Variants in ZNF541 observed in about 807,000 individuals in gnomAD.
ZNF541 encodes zinc finger protein 541.
A neutral mutation model predicts 123.5 loss-of-function variants in ZNF541; 23 were observed. The observed-to-expected ratio is 0.19, with a 90% CI of 0.13 to 0.26. The LOEUF (loss-of-function observed/expected upper bound fraction) is 0.26, where lower values mean the gene tolerates loss of function less well. Ranked by LOEUF, ZNF541 falls within the 10% of genes least tolerant of loss-of-function variation. The pLI is 1.00. For synonymous variants in ZNF541, 751 were observed against 754.5 expected, an observed-to-expected ratio of 1.00 and a Z score of 0.08; for missense variants, 1,612 against 1,789.9, an observed-to-expected ratio of 0.90 and a Z score of 1.79.
chr19:47,555,503 A>G (rs961775819), intron 3 of ZNF541, 47 bp downstream of exon 3: 5 of 1,473,408 alleles, frequency 3.4e-6, no homozygotes, highest in African/African-American at 1.4e-5. Flanking sequence ...GGCCACAGAA[A>G]CTGTCGAACA....
In ZNF541 at chr19:47,555,636, G is replaced by C; in HGVS notation, c.221C>G (p.Thr74Ser). The C allele has an allele frequency of 1.3e-6, 2 of 1,551,694 alleles. No individual in the cohort carries two copies. Among genetic ancestry groups the C allele is most frequent in the Non-Finnish European group, 8.7e-7 (1 of 1,147,010 alleles). ...SSEVLEDNLDTLSLYSGKDSD... is the reference protein window; with the variant it reads ...SSEVLEDNLDSLSLYSGKDSD... ...GTCCTTCCCGGAGTACAGGGACAAGGTGTCTAAGTTGTCCTCCAGCACCTC... is the reference window on the plus strand; with the variant it reads ...GTCCTTCCCGGAGTACAGGGACAAGCTGTCTAAGTTGTCCTCCAGCACCTC... Residue 74 changes from threonine to serine, a missense_variant, in exon 3 of 17, where the codon ACC becomes AGC. This residue lies in a region of ZNF541 where 212 missense variants were observed against 289.6 expected (regional missense o/e 0.73). Transcript: ENST00000391901.
At chr19:47,531,060 T>C (rs531973916) in intron 12 of ZNF541, among the ~76,000 whole-genome samples, 1 of 152,168 alleles carries the variant, frequency 6.6e-6, no homozygotes, top group Non-Finnish European at 1.5e-5. Flanking sequence ...CCAATAAATA[T>C]GTACTGCCAC....
At chr19:47,567,945 C>T (rs530506132) in intron 2 of ZNF541, among the ~76,000 whole-genome samples, 1 of 152,310 alleles carries the variant, frequency 6.6e-6, no homozygotes, top group African/African-American at 2.4e-5. Flanking sequence ...GTGTAACAAT[C>T]CACTTAACAT....
rs555608771 is a variant in ZNF541 at position 47,549,596 on chromosome 19, C to T, written c.308-111G>A. On this transcript the variant is annotated intron_variant, in intron 3 of 16. Coordinates refer to ENST00000391901, the MANE Select transcript of ZNF541 (RefSeq NM_001277075.3). ...CCATGGTGGCCTTGTAAGTGTTGCG[C>T]GAGAACTCTTGCTCCACACAAAGTA... The T allele has an allele frequency of 2.4e-4, 354 of 1,449,424 alleles. 2 individuals are homozygous for T. The South Asian group carries it at 3.9e-3, about 16-fold the overall frequency. The allele number at this position is 1,449,424 out of a possible 1,614,324, so 89.8% of individuals were successfully genotyped here.
chr19:47,572,648 C>CT (rs1311862866), intron 1 of ZNF541, among the ~76,000 whole-genome samples: 2 of 151,242 alleles, frequency 1.3e-5, no homozygotes. Context: ...AAGGGGGATT[C>CT]TGAGCAGAAG....
In ZNF541 at chr19:47,544,361, C is replaced by A; in HGVS notation, c.2168G>T (p.Gly723Val). 3.2e-6 allele frequency: 5 copies of A among 1,551,678 alleles called. No homozygotes were observed. The highest frequency in any genetic ancestry group is 3.5e-6 in the Non-Finnish European group (4 of 1,147,014). Residue 723 changes from glycine to valine, a missense_variant, in exon 5 of 17, where the codon GGC (glycine) becomes GTC (valine). By Grantham distance (109) the Gly-to-Val change is moderately radical. Coordinates refer to ENST00000391901, the MANE Select transcript of ZNF541 (RefSeq NM_001277075.3). ...ACCTTTTGTGATCCTTGAAGCCGCG[C>A]CATTCTCGGCTGGGGCCTGCTTCCC... ...LPGKQAPAEN[G>V]AASRITKGEK...
intron 4 of ZNF541, 128 bp downstream of exon 4, chr19:47,549,117 T>C: frequency 8.4e-7 from 1 of 1,193,626 alleles, no homozygotes; most frequent in Non-Finnish European, 1.2e-6. Context: ...GCAGAGGTAA[T>C]ACACGTCTGG....
intron 4 of ZNF541, among the ~76,000 whole-genome samples, chr19:47,548,900 A>G (rs1970477412): frequency 6.6e-6 from 1 of 152,062 alleles, no homozygotes; most frequent in Non-Finnish European, 1.5e-5. Flanking sequence ...ACATGGTGAA[A>G]CCCTGTCTCT....
At position 47,544,863 on chromosome 19, in the gene ZNF541, G is replaced by T; in HGVS notation, c.1666C>A (p.Gln556Lys). Reference sequence around the variant, plus strand: ...GACTTGGTGATCATCTGGAACACCTGCATCTGCTCGTGGCTCACAAGAGGT... The same window carrying T: ...GACTTGGTGATCATCTGGAACACCTTCATCTGCTCGTGGCTCACAAGAGGT... ...QEPLVSHEQM[Q>K]VFQMITKSQR... Residue 556 changes from glutamine to lysine, a missense_variant, in exon 5 of 17, where the codon CAG (glutamine) becomes AAG (lysine). This residue lies in a region of ZNF541 where 1,080 missense variants were observed against 1,013.8 expected (regional missense o/e 1.07). Transcript: ENST00000391901. The T allele has an allele frequency of 6.5e-7, 1 of 1,536,186 alleles. No homozygotes were observed. Among genetic ancestry groups the T allele is most frequent in the Non-Finnish European group, 8.7e-7 (1 of 1,146,800 alleles).
chr19:47,523,339 T>TAAAAAA (rs75366644), intron 14 of ZNF541, among the ~76,000 whole-genome samples: 2 of 105,726 alleles, frequency 1.9e-5, no homozygotes, highest in African/African-American at 8.9e-5. Flanking sequence ...GCGTCTCTTT[T>TAAAAAA]AAAAAAAAAA....
At chr19:47,525,774 A>G (rs1969258706) in intron 14 of ZNF541, among the ~76,000 whole-genome samples, 2 of 151,950 alleles carry the variant, frequency 1.3e-5, no homozygotes, top group Admixed American at 6.6e-5. Flanking sequence ...TTAGGCGGGC[A>G]TGGTGGTGGC....
chr19:47,523,021 C>T (rs904114211), intron 14 of ZNF541, among the ~76,000 whole-genome samples: 4 of 151,324 alleles, frequency 2.6e-5, no homozygotes, highest in African/African-American at 9.7e-5. Flanking sequence ...GCTGGGATTA[C>T]AGGCCTGAAC....
In ZNF541 at chr19:47,520,896, C is replaced by A. The variant is rs1450979807; in HGVS notation, c.*328G>T. ...TAACACATGAAACCAAACCCCACAA[C>A]TGAGGCTAAGATTTAAGAGCTACCC... On this transcript the variant is annotated 3_prime_UTR_variant, in exon 17 of 17. Coordinates refer to ENST00000391901, the MANE Select transcript of ZNF541 (RefSeq NM_001277075.3). 1 of 269,014 alleles carries A rather than the reference C, an allele frequency of 3.7e-6. No individual in the cohort carries two copies. The highest frequency in any genetic ancestry group is 7.1e-6 in the Non-Finnish European group (1 of 140,016). The allele number at this position is 269,014 out of a possible 1,614,324, so 16.7% of individuals were successfully genotyped here.
Position 47,532,254 on chromosome 19 carries a change from T to C in ZNF541, c.3175A>G (p.Ser1059Gly). ...ISIEPHINIG[S>G]RFQAEIPELQ... Reference sequence around the variant, plus strand: ...TCCGGGATCTCTGCCTGAAACCGGCTTCCTATATTGATATGTCTGAAATGA... The same window carrying C: ...TCCGGGATCTCTGCCTGAAACCGGCCTCCTATATTGATATGTCTGAAATGA... The change falls in exon 11 of 17, where the codon AGC (serine) becomes GGC (glycine). Residue 1059 changes from serine (S) to glycine (G), a missense_variant. Coordinates refer to ENST00000391901, the MANE Select transcript of ZNF541 (RefSeq NM_001277075.3). 1.3e-6 allele frequency: 2 copies of C among 1,552,054 alleles called. No individual in the cohort carries two copies. Among genetic ancestry groups the C allele is most frequent in the Non-Finnish European group, 1.7e-6 (2 of 1,147,084 alleles).
chr19:47,544,109 T>TGA lies in ZNF541; in HGVS notation c.2403+15_2403+16dup. ...CTCACTCCACTCTGGTCAGGCCACG[T>TGA]GAGAGAGAGCTGGTACCTGGATTCT... On this transcript the variant is annotated intron_variant, in intron 5 of 16. Coordinates refer to ENST00000391901, the MANE Select transcript of ZNF541 (RefSeq NM_001277075.3). 1 of 1,533,736 alleles carries TGA rather than the reference T, an allele frequency of 6.5e-7. No homozygotes were observed. The highest frequency in any genetic ancestry group is 8.8e-7 in the Non-Finnish European group (1 of 1,136,322).
intron 14 of ZNF541, among the ~76,000 whole-genome samples, chr19:47,527,104 T>G (rs368586175): frequency 6.6e-6 from 1 of 152,144 alleles, no homozygotes; most frequent in Admixed American, 6.6e-5. Context: ...GACTACTCCA[T>G]TTATAGCAAA....
intron 9 of ZNF541, among the ~76,000 whole-genome samples, chr19:47,535,600 C>T (rs139007217): frequency 9.9e-4 from 151 of 152,306 alleles, no homozygotes; most frequent in African/African-American, 3.4e-3. Flanking sequence ...TCCTAGTTAT[C>T]TACCCAAGAG....
At chr19:47,553,856 T>A (rs1970708609) in intron 3 of ZNF541, among the ~76,000 whole-genome samples, 1 of 152,184 alleles carries the variant, frequency 6.6e-6, no homozygotes, top group South Asian at 2.1e-4. Context: ...ATAAAATTGT[T>A]TAATGCTCCG....
At chr19:47,541,720 C>T (rs962731590) in intron 5 of ZNF541, among the ~76,000 whole-genome samples, 6 of 152,164 alleles carry the variant, frequency 3.9e-5, no homozygotes, top group African/African-American at 1.2e-4. Flanking sequence ...GCTTCACACC[C>T]GCCAGGGTAG....
Sources: gnomAD v4.1 joint callset for allele counts (sites outside exome capture counted in the v4.1 genomes callset) on GRCh38, gnomAD v4.1.1 for gene constraint, gnomAD v4.1.1 regional missense constraint, MANE v1.5 for transcripts, NCBI Gene and HGNC (gene_info 2026-07-23, HGNC 2026-07-21) for gene names.